DLG2: variants seen among roughly 807,000 people sequenced by gnomAD.
The protein encoded by DLG2 is disks large homolog 2.
In DLG2, 45 loss-of-function variants were observed where a neutral mutation model predicts 132.5. The ratio of observed to expected loss-of-function variants is 0.34; its 90% CI spans 0.27 to 0.44. The LOEUF (loss-of-function observed/expected upper bound fraction) is 0.44. Ranked by LOEUF, DLG2 falls within the 20% of genes least tolerant of loss-of-function variation. The probability of loss-of-function intolerance (pLI) is 1.00; values close to 1 mark genes in which losing one functional copy is unlikely to be tolerated. For synonymous variants in DLG2, 424 were observed against 419.6 expected (o/e 1.01, Z -0.13); for missense variants, 1,045 against 1,196.9 (o/e 0.87, Z 1.87).
chr11:84,526,445 A>G (rs1479542156), intron 7 of DLG2, among the ~76,000 whole-genome samples: 2 of 152,190 alleles, frequency 1.3e-5, no homozygotes, highest in African/African-American at 2.4e-5. Flanking sequence ...CAAGAAAAAC[A>G]GCAAACCTAG....
At chr11:84,368,457 A>G (rs1395250239) in intron 7 of DLG2, among the ~76,000 whole-genome samples, 3 of 152,284 alleles carry the variant, frequency 2.0e-5, no homozygotes, top group Admixed American at 6.6e-5. Flanking sequence ...CACTAAAAAT[A>G]GCATGTGCTC....
intron 11 of DLG2, among the ~76,000 whole-genome samples, chr11:84,000,109 C>CTG (rs1245954749): frequency 9.9e-5 from 15 of 151,656 alleles, no homozygotes; most frequent in African/African-American, 3.6e-4. Flanking sequence ...TTATGAAAAC[C>CTG]AATACAAAGA....
intron 3 of DLG2, among the ~76,000 whole-genome samples, chr11:85,392,319 T>A (rs1173608490): frequency 6.6e-6 from 1 of 151,948 alleles, no homozygotes; most frequent in Non-Finnish European, 1.5e-5. Context: ...TATCCCATGC[T>A]TAAGGATGGG....
intron 10 of DLG2, among the ~76,000 whole-genome samples, chr11:84,071,545 T>G (rs2096757353): frequency 1.3e-5 from 2 of 152,160 alleles, no homozygotes; most frequent in South Asian, 4.1e-4. Flanking sequence ...TATCCTTTTC[T>G]TTTACTCTCA....
At chr11:84,899,172 T>C (rs2090579041) in intron 6 of DLG2, among the ~76,000 whole-genome samples, 1 of 151,986 alleles carries the variant, frequency 6.6e-6, no homozygotes, top group Non-Finnish European at 1.5e-5. Context: ...TCAAAACCTA[T>C]GAAAAATGTA....
At chr11:85,464,802 C>T (rs182810302) in intron 3 of DLG2, among the ~76,000 whole-genome samples, 223 of 151,754 alleles carry the variant, frequency 1.5e-3, no homozygotes, top group Admixed American at 3.0e-3. Context: ...AGGCCAGGCG[C>T]GGTGGCTCAC....
intron 18 of DLG2, among the ~76,000 whole-genome samples, chr11:83,784,768 G>T (rs2094973005): frequency 1.3e-5 from 2 of 152,094 alleles, no homozygotes; most frequent in Non-Finnish European, 2.9e-5. Context: ...TCTGTTCAAG[G>T]TTATTTGAAC....
intron 6 of DLG2, among the ~76,000 whole-genome samples, chr11:84,932,525 A>C (rs1238040670): frequency 6.6e-6 from 1 of 151,876 alleles, no homozygotes; most frequent in Non-Finnish European, 1.5e-5. Context: ...CCCACCACAC[A>C]ACAGGCCCTG....
At chr11:84,133,127 G>A (rs2094478173) in intron 9 of DLG2, among the ~76,000 whole-genome samples, 1 of 152,026 alleles carries the variant, frequency 6.6e-6, no homozygotes, top group South Asian at 2.1e-4. Flanking sequence ...TAGGCAACCA[G>A]ACAGGAACTT....
intron 21 of DLG2, among the ~76,000 whole-genome samples, chr11:83,520,643 A>G (rs371822686): frequency 8.7e-5 from 10 of 114,922 alleles, no homozygotes; most frequent in African/African-American, 3.9e-4. Context: ...AGGTAGGTAG[A>G]TAGATAGATA....
At chr11:84,228,445 C>T (rs1329128190) in intron 8 of DLG2, among the ~76,000 whole-genome samples, 2 of 152,144 alleles carry the variant, frequency 1.3e-5, no homozygotes, top group East Asian at 1.9e-4. Context: ...GAATTTTACT[C>T]CCAACTATGT....
At chr11:84,352,391 G>A (rs1431355108) in intron 7 of DLG2, among the ~76,000 whole-genome samples, 1 of 152,178 alleles carries the variant, frequency 6.6e-6, no homozygotes, top group African/African-American at 2.4e-5. Context: ...ACTATTAAGT[G>A]ACTCTATGTG....
At chr11:85,521,329 C>T (rs1454524052) in intron 3 of DLG2, among the ~76,000 whole-genome samples, 2 of 152,206 alleles carry the variant, frequency 1.3e-5, no homozygotes, top group Non-Finnish European at 2.9e-5. Context: ...ATTCTTCTCT[C>T]TCCTGCCACC....
chr11:85,590,260 G>A (rs185922629), intron 3 of DLG2, among the ~76,000 whole-genome samples: 2 of 152,240 alleles, frequency 1.3e-5, no homozygotes, highest in South Asian at 2.1e-4. Context: ...AATTAGAACT[G>A]GTCCCTGCAT....
chr11:84,272,859 C>G (rs2097744832), intron 7 of DLG2, among the ~76,000 whole-genome samples: 1 of 152,034 alleles, frequency 6.6e-6, no homozygotes, highest in South Asian at 2.1e-4. Context: ...TATGGAATAT[C>G]AATATTGTTT....
chr11:83,738,401 A>G (rs2092192672), intron 18 of DLG2, among the ~76,000 whole-genome samples: 1 of 152,074 alleles, frequency 6.6e-6, no homozygotes. Flanking sequence ...TGCTCCCCAA[A>G]GACACACACT....
At chr11:84,566,890 T>C (rs2099458563) in intron 6 of DLG2, among the ~76,000 whole-genome samples, 1 of 152,194 alleles carries the variant, frequency 6.6e-6, no homozygotes, top group Non-Finnish European at 1.5e-5. Flanking sequence ...CAGCTTTCCT[T>C]AAGTGATTGG....
chr11:83,757,755 A>G (rs1009907613), intron 18 of DLG2, among the ~76,000 whole-genome samples: 3 of 152,166 alleles, frequency 2.0e-5, no homozygotes, highest in South Asian at 2.1e-4. Context: ...ACACTCATAC[A>G]TGCACATTCC....
intron 6 of DLG2, among the ~76,000 whole-genome samples, chr11:84,741,287 C>A (rs1218796821): frequency 6.6e-6 from 1 of 151,848 alleles, no homozygotes; most frequent in African/African-American, 2.4e-5. Context: ...ATCTCCTGAC[C>A]TCGTGATCCG....
Sources: gnomAD v4.1 joint callset for allele counts (sites outside exome capture counted in the v4.1 genomes callset) on GRCh38, gnomAD v4.1.1 for gene constraint, MANE v1.5 for transcripts, NCBI Gene and HGNC (gene_info 2026-07-23, HGNC 2026-07-21) for gene names.